The following DDR2 variants were observed in gnomAD, a reference collection of about 807,000 sequenced individuals.
The protein encoded by DDR2 is discoidin domain receptor tyrosine kinase 2.
Under a neutral mutation model 94.9 loss-of-function variants are expected in DDR2, and 27 were observed. The observed-to-expected ratio is 0.28, with a 90% CI of 0.21 to 0.39. The LOEUF (loss-of-function observed/expected upper bound fraction) is 0.39, where lower values mean the gene tolerates loss of function less well. Among genes scored for constraint, DDR2 ranks in the 10% least tolerant of loss-of-function variants. DDR2 has a pLI of 1.00. For missense variants in DDR2, 783 were observed against 1,076.0 expected (o/e 0.73, Z 3.81); for synonymous variants, 382 against 377.2 (o/e 1.01, Z -0.15).
In DDR2 at chr1:162,677,642, C is replaced by T. The variant is rs75278668; in HGVS notation, c.-28+22268C>T. 3.8e-4 allele frequency among the ~76,000 whole-genome samples: 58 copies of T among 152,276 alleles called. 1 individual carries two copies. The East Asian group carries it at 8.9e-3, about 23-fold the overall frequency. On this transcript the variant is annotated intron_variant, in intron 2 of 17. Transcript: ENST00000367921. ...TCTACATTCCCCAGGTTGAGTGACT[C>T]GTCTCCATCTTTTAATTTAGCATCT... is the stretch of plus-strand genomic sequence containing the variant.
In DDR2 at chr1:162,780,261, G is replaced by T; in HGVS notation, c.*15G>T. On this transcript the variant is annotated 3_prime_UTR_variant, in exon 18 of 18. Transcript: ENST00000367921. ...GCGACGAGTGATGCTGTCAGTGCCT[G>T]GCCATGTTCCTACGGCTCAGGTCCT... The T allele has an allele frequency of 1.9e-6, 3 of 1,613,568 alleles. No homozygotes were observed. The highest frequency in any genetic ancestry group is 2.5e-6 in the Non-Finnish European group (3 of 1,179,782).
At chr1:162,692,234 C>T (rs1215976312) in intron 2 of DDR2, among the ~76,000 whole-genome samples, 1 of 152,226 alleles carries the variant, frequency 6.6e-6, no homozygotes, top group Non-Finnish European at 1.5e-5. Flanking sequence ...CACTTCCCTG[C>T]TCTACTCATC....
rs1357838692 is a variant in DDR2 at position 162,784,801 on chromosome 1, T to C, written c.*4555T>C. 1 of 152,194 alleles carries C rather than the reference T, an allele frequency of 6.6e-6. No homozygotes were observed. The highest frequency in any genetic ancestry group is 2.4e-5 in the African/African-American group (1 of 41,452). 9.4% of individuals were successfully genotyped at this position (152,194 alleles called of 1,614,324 possible). A position where few individuals can be genotyped will look rare whatever the true frequency, so the allele number is the denominator to read the frequency against. ...CTTACCCTAGATCCAGTTTTCCCCA[T>C]TTATAACATTTCACTTAGTCCATTT... On this transcript the variant is annotated 3_prime_UTR_variant, in exon 18 of 18. Coordinates refer to ENST00000367921, the MANE Select transcript of DDR2 (RefSeq NM_006182.4).
At chr1:162,751,217 G>C (rs1463305613) in intron 3 of DDR2, among the ~76,000 whole-genome samples, 1 of 152,066 alleles carries the variant, frequency 6.6e-6, no homozygotes, top group Non-Finnish European at 1.5e-5. Context: ...GCAACCTACA[G>C]AATAGGAGAA....
chr1:162,771,260 G>A (rs926939959), intron 12 of DDR2, among the ~76,000 whole-genome samples: 3 of 152,124 alleles, frequency 2.0e-5, no homozygotes, highest in African/African-American at 7.2e-5. Context: ...TCAACCTGAG[G>A]GACCCGAGTC....
intron 2 of DDR2, among the ~76,000 whole-genome samples, chr1:162,663,713 G>A (rs567152194): frequency 6.6e-6 from 1 of 152,104 alleles, no homozygotes; most frequent in Non-Finnish European, 1.5e-5. Context: ...CAAGAGGCTG[G>A]TGACTCAGCT....
intron 1 of DDR2, 63 bp downstream of exon 1, chr1:162,632,694 A>G (rs1053651185): frequency 6.6e-6 from 1 of 152,198 alleles, no homozygotes; most frequent in South Asian, 2.1e-4. Context: ...AGCTCCGCAT[A>G]TACTTCTTTT....
intron 1 of DDR2, among the ~76,000 whole-genome samples, chr1:162,647,913 C>T (rs1323534032): frequency 1.3e-5 from 2 of 152,158 alleles, no homozygotes; most frequent in Non-Finnish European, 2.9e-5. Flanking sequence ...CTGTCTCATC[C>T]TGGGACTAAG....
At chr1:162,636,382 G>A (rs1009583865) in intron 1 of DDR2, among the ~76,000 whole-genome samples, 1 of 152,170 alleles carries the variant, frequency 6.6e-6, no homozygotes, top group Admixed American at 6.5e-5. Flanking sequence ...GGCTTCTCCT[G>A]GAAATTGGAT....
intron 9 of DDR2, among the ~76,000 whole-genome samples, chr1:162,765,634 C>T (rs1207940693): frequency 2.6e-5 from 4 of 151,842 alleles, no homozygotes; most frequent in African/African-American, 9.7e-5. Flanking sequence ...CATCTTAACA[C>T]TATGTCTGTC....
upstream of DDR2, chr1:162,631,967 G>A (rs957737657): frequency 1.1e-4 from 16 of 151,960 alleles, no homozygotes; most frequent in African/African-American, 3.1e-4. Context: ...TCTTTCGGGG[G>A]AGAGCTCAGC....
intron 2 of DDR2, among the ~76,000 whole-genome samples, chr1:162,675,687 A>G (rs74116787): frequency 1.3e-3 from 201 of 152,332 alleles, no homozygotes; most frequent in African/African-American, 4.6e-3. Flanking sequence ...GGCCTTGTGT[A>G]TCATGCTAGG....
chr1:162,758,906 G>T (rs987878362), intron 7 of DDR2, among the ~76,000 whole-genome samples: 1 of 152,090 alleles, frequency 6.6e-6, no homozygotes, highest in Non-Finnish European at 1.5e-5. Context: ...CCACATGATG[G>T]TTTTTGCTCT....
intron 2 of DDR2, among the ~76,000 whole-genome samples, chr1:162,656,833 G>GTTTTGTTTTTTTTTTTTTTTT (rs1558008740): frequency 1.5e-5 from 1 of 65,682 alleles, no homozygotes; most frequent in Non-Finnish European, 3.0e-5. Context: ...TGCCACTGGA[G>GTTTTGTTTTTTTTTTTTTTTT]TTTTTTTTTT....
chr1:162,762,188 A>G (rs1481485309), intron 9 of DDR2, among the ~76,000 whole-genome samples: 2 of 152,078 alleles, frequency 1.3e-5, no homozygotes, highest in Admixed American at 1.3e-4. Flanking sequence ...AATCTAAAAA[A>G]TTCCTTCCAT....
rs769796018 is a variant in DDR2 at position 162,778,675 on chromosome 1, A to G, written c.2379A>G (p.Ser793=). The change falls in exon 17 of 18, where the codon TCA becomes TCG. Residue 793 remains serine (S), a synonymous_variant. Transcript: ENST00000367921. ...FCQEQPYSQL[S]DEQVIENTGE... ...AAGAACAGCCCTATTCCCAGCTGTC[A>G]GATGAACAGGTTATTGAGAATACTG... 1 of 1,614,036 alleles carries G rather than the reference A, an allele frequency of 6.2e-7. No individual in the cohort carries two copies. The highest frequency in any genetic ancestry group is 1.1e-5 in the South Asian group (1 of 91,080).
rs568564116 is a variant in DDR2 at position 162,703,123 on chromosome 1, TAG to T, written c.-27-15909_-27-15908del. 2.6e-4 allele frequency among the ~76,000 whole-genome samples: 39 copies of T among 152,292 alleles called. No homozygotes were observed. The South Asian group carries it at 4.1e-3, about 16-fold the overall frequency. ...TAACTAGGAAAGTCATAGCTTGGGA[TAG>T]AGAGTATATGCAGTTTGTTCAGAAG... On this transcript the variant is annotated intron_variant, in intron 2 of 17. Coordinates refer to ENST00000367921, the MANE Select transcript of DDR2 (RefSeq NM_006182.4).
At chr1:162,737,606 C>T (rs1270320001) in intron 3 of DDR2, among the ~76,000 whole-genome samples, 1 of 115,110 alleles carries the variant, frequency 8.7e-6, no homozygotes, top group African/African-American at 3.4e-5. Flanking sequence ...GTGAATAATG[C>T]CGCAATAAAC....
intron 9 of DDR2, 94 bp from the exon 10 acceptor site, chr1:162,765,907 G>A: frequency 1.8e-6 from 2 of 1,096,396 alleles, no homozygotes; most frequent in Non-Finnish European, 2.8e-6. Context: ...TCACTAAATT[G>A]ATCTTGTAAT....
Sources: gnomAD v4.1 joint callset for allele counts (sites outside exome capture counted in the v4.1 genomes callset) on GRCh38, gnomAD v4.1.1 for gene constraint, MANE v1.5 for transcripts, NCBI Gene and HGNC (gene_info 2026-07-23, HGNC 2026-07-21) for gene names.